The following RCBTB1 variants were observed in gnomAD, a reference collection of about 807,000 sequenced individuals.
RCBTB1 encodes RCC1 and BTB domain containing protein 1, also known as RCC1 and BTB domain-containing protein 1.
A neutral mutation model predicts 62.4 loss-of-function variants in RCBTB1; 46 were observed. The ratio of observed to expected loss-of-function variants is 0.74; its 90% CI spans 0.58 to 0.94. The LOEUF (loss-of-function observed/expected upper bound fraction) is 0.94, where lower values mean the gene tolerates loss of function less well. Among genes scored for constraint, RCBTB1 ranks in the 40% least tolerant of loss-of-function variants. The pLI, the probability that RCBTB1 is intolerant of heterozygous loss-of-function variation, is 0.00. For missense variants in RCBTB1, 565 were observed against 654.9 expected (o/e 0.86, Z 1.50); for synonymous variants, 222 against 245.8 (o/e 0.90, Z 0.91).
At chr13:49,570,830 T>C (rs549783002) in intron 2 of RCBTB1, among the ~76,000 whole-genome samples, 3 of 152,344 alleles carry the variant, frequency 2.0e-5, no homozygotes, top group Non-Finnish European at 4.4e-5. Flanking sequence ...AGGAGGAGAC[T>C]GTAAACCATT....
At chr13:49,571,645 G>A (rs952239968) in intron 2 of RCBTB1, among the ~76,000 whole-genome samples, 2 of 152,160 alleles carry the variant, frequency 1.3e-5, no homozygotes, top group South Asian at 2.1e-4. Flanking sequence ...GGTTCCCTGA[G>A]AGGTTTTGTG....
intron 6 of RCBTB1, 79 bp downstream of exon 6, chr13:49,555,436 G>C: frequency 8.4e-7 from 1 of 1,191,300 alleles, no homozygotes; most frequent in South Asian, 1.3e-5. Context: ...TCTTCCATCT[G>C]ATACATTCAC....
Position 49,532,220 on chromosome 13 carries a change from C to T in RCBTB1, c.*1902G>A, listed in dbSNP as rs1447962239. 6.6e-6 allele frequency: 1 copy of T among 152,360 alleles called. No individual in the cohort carries two copies. The highest frequency in any genetic ancestry group is 1.5e-5 in the Non-Finnish European group (1 of 67,978). The allele number at this position is 152,360 out of a possible 1,614,324, so 9.4% of individuals were successfully genotyped here. On this transcript the variant is annotated 3_prime_UTR_variant, in exon 13 of 13. Transcript: ENST00000378302. ...AAATAATCAAATGCTTTTTGAAAGA[C>T]CTGTTCTCTTCACTGCCACACATAT...
In RCBTB1 at chr13:49,555,925, ACTTG is replaced by A. The variant is rs1961822535; in HGVS notation, c.445-256_445-253del. The stretch of plus-strand genomic sequence containing the variant: ...AAACTGAAACATGAGAGGTTAAGTG[ACTTG>A]CTTGAGGTACCAAAGCTGGTAAGTA... On this transcript the variant is annotated intron_variant, in intron 5 of 12. Transcript: ENST00000378302. 2.0e-5 allele frequency among the ~76,000 whole-genome samples: 3 copies of A among 152,246 alleles called. No homozygotes were observed. In the South Asian group the frequency reaches 6.2e-4, roughly 32 times the overall value.
At chr13:49,541,610 G>A in intron 11 of RCBTB1, 66 bp downstream of exon 11, 6 of 1,444,382 alleles carry the variant, frequency 4.2e-6, no homozygotes, top group Non-Finnish European at 5.6e-6. Flanking sequence ...TACATTTCAG[G>A]ACTAAGAATA....
chr13:49,583,333 T>C (rs537582261), intron 1 of RCBTB1, among the ~76,000 whole-genome samples: 4 of 152,194 alleles, frequency 2.6e-5, no homozygotes, highest in African/African-American at 9.6e-5. Flanking sequence ...GAGGTACCCA[T>C]CTGGTCTCCT....
intron 4 of RCBTB1, among the ~76,000 whole-genome samples, chr13:49,563,337 G>C (rs1456781544): frequency 1.3e-5 from 1 of 75,368 alleles, no homozygotes; most frequent in Non-Finnish European, 2.2e-5. Context: ...GGGTGACAGA[G>C]AGAGAGAGAC....
intron 6 of RCBTB1, among the ~76,000 whole-genome samples, chr13:49,553,999 A>G (rs75295570): frequency 0.034 from 5,157 of 152,310 alleles, 132 homozygotes; most frequent in Non-Finnish European, 0.055. Context: ...GTTCATCAGT[A>G]GAGCTCTGTA....
In RCBTB1 at chr13:49,532,859, A is replaced by G. The variant is rs1959661980; in HGVS notation, c.*1263T>C. ...AATGAGTTCATGGACCAGAGAGCAA[A>G]GCAAAACATTGCTCTTAAAAGCAAG... On this transcript the variant is annotated 3_prime_UTR_variant, in exon 13 of 13. Transcript: ENST00000378302. 1 of 152,130 alleles carries G rather than the reference A, an allele frequency of 6.6e-6. No homozygotes were observed. Among genetic ancestry groups the G allele is most frequent in the African/African-American group, 2.4e-5 (1 of 41,410 alleles). The allele number at this position is 152,130 out of a possible 1,614,324, so 9.4% of individuals were successfully genotyped here. A position where few individuals can be genotyped will look rare whatever the true frequency, so the allele number is the denominator to read the frequency against.
At chr13:49,583,048 G>A (rs1019020107) in intron 1 of RCBTB1, among the ~76,000 whole-genome samples, 3 of 152,228 alleles carry the variant, frequency 2.0e-5, no homozygotes, top group Non-Finnish European at 2.9e-5. Context: ...GTGGTGGTGC[G>A]CACCTGTGGT....
chr13:49,566,259 A>T (rs1594324072), intron 4 of RCBTB1, among the ~76,000 whole-genome samples: 2 of 133,702 alleles, frequency 1.5e-5, no homozygotes, highest in Non-Finnish European at 3.1e-5. Flanking sequence ...ATGATCAATA[A>T]AAAAATAAAA....
At chr13:49,563,355 CAA>C (rs57586924) in intron 4 of RCBTB1, among the ~76,000 whole-genome samples, 300 of 52,170 alleles carry the variant, frequency 5.8e-3, no homozygotes, top group Middle Eastern at 0.028. Flanking sequence ...GACCCTGCCT[CAA>C]AAAAAAAAAA....
intron 4 of RCBTB1, among the ~76,000 whole-genome samples, chr13:49,563,380 A>AAG (rs71078864): frequency 4.2e-5 from 6 of 144,084 alleles, no homozygotes; most frequent in Non-Finnish European, 9.0e-5. Flanking sequence ...AAAAAAAAAA[A>AAG]GGCCAGGCAC....
chr13:49,574,267 C>T (rs1261209964), intron 2 of RCBTB1, among the ~76,000 whole-genome samples: 3 of 151,286 alleles, frequency 2.0e-5, no homozygotes, highest in Non-Finnish European at 4.4e-5. Context: ...TACAGGTGTG[C>T]ACCACCACGC....
intron 9 of RCBTB1, 131 bp downstream of exon 9, chr13:49,549,327 T>C (rs1034253688): frequency 6.6e-5 from 53 of 803,624 alleles, no homozygotes; most frequent in Non-Finnish European, 9.4e-5. Flanking sequence ...CACATCTATT[T>C]TGACGGAACG....
At chr13:49,559,377 C>T (rs1036827977) in intron 5 of RCBTB1, among the ~76,000 whole-genome samples, 11 of 152,168 alleles carry the variant, frequency 7.2e-5, no homozygotes, top group African/African-American at 2.7e-4. Flanking sequence ...AAGTTGTTGG[C>T]TGGGCACGGT....
rs545855785 is a variant in RCBTB1, at chr13:49,550,867, C to T, written c.854+459G>A. Among the ~76,000 whole-genome samples, 4 of 152,158 alleles carry T rather than the reference C, an allele frequency of 2.6e-5. No individual in the cohort carries two copies. The East Asian group carries it at 7.7e-4, about 29-fold the overall frequency. On this transcript the variant is annotated intron_variant, in intron 8 of 12. Transcript: ENST00000378302. The stretch of plus-strand genomic sequence containing the variant: ...CTATAATCCCAGCACTTTGGGAGGC[C>T]GAGGTGGGTAGATCACTTGAGGCCA...
intron 9 of RCBTB1, 28 bp downstream of exon 9, chr13:49,549,429 TG>T (rs776800388): frequency 1.6e-5 from 25 of 1,581,020 alleles, no homozygotes; most frequent in Non-Finnish European, 2.0e-5. Flanking sequence ...CCATTCTTCC[TG>T]GGTGGAGGTG....
intron 12 of RCBTB1, among the ~76,000 whole-genome samples, chr13:49,540,082 A>T (rs1960230070): frequency 1.3e-5 from 2 of 152,162 alleles, no homozygotes. Flanking sequence ...ATTGCTCTCT[A>T]CCTTTTATTC....
Sources: gnomAD v4.1 joint callset for allele counts (sites outside exome capture counted in the v4.1 genomes callset) on GRCh38, gnomAD v4.1.1 for gene constraint, MANE v1.5 for transcripts, NCBI Gene and HGNC (gene_info 2026-07-23, HGNC 2026-07-21) for gene names.